Variants in VSNL1 observed in about 807,000 individuals in gnomAD.
VSNL1 encodes the protein visinin like 1, also known as visinin-like protein 1.
VSNL1 carries 6 observed loss-of-function variants against 20.4 expected under a neutral mutation model. The ratio of observed to expected loss-of-function variants is 0.29; its 90% CI spans 0.16 to 0.58. The LOEUF is 0.58. Ranked by LOEUF, VSNL1 falls within the 20% of genes least tolerant of loss-of-function variation. The pLI, the probability that VSNL1 is intolerant of heterozygous loss-of-function variation, is 0.90. For missense variants in VSNL1, 100 were observed against 234.5 expected, an observed-to-expected ratio of 0.43 and a Z score of 3.75; for synonymous variants, 93 against 86.4, an observed-to-expected ratio of 1.08 and a Z score of -0.42.
chr2:17,648,145 A>G (rs2103428843), intron 2 of VSNL1, among the ~76,000 whole-genome samples: 1 of 152,350 alleles, frequency 6.6e-6, no homozygotes, highest in South Asian at 2.1e-4. Context: ...GTACTACCAA[A>G]ATATAAGTAA....
At chr2:17,572,543 A>C (rs1278693660) in intron 1 of VSNL1, among the ~76,000 whole-genome samples, 2 of 152,194 alleles carry the variant, frequency 1.3e-5, no homozygotes, top group Non-Finnish European at 2.9e-5. Context: ...AAGAAGAAGG[A>C]GGCAAAGGGA....
chr2:17,552,063 G>A (rs1336400842), intron 1 of VSNL1, among the ~76,000 whole-genome samples: 2 of 151,774 alleles, frequency 1.3e-5, no homozygotes, highest in East Asian at 1.9e-4. Context: ...AGCAGGGCGT[G>A]GTGGCGGGTG....
In VSNL1 at chr2:17,655,142, C is replaced by T; in HGVS notation, c.379-55C>T. 2 of 1,567,390 alleles carry T rather than the reference C, an allele frequency of 1.3e-6. No homozygotes were observed. Among genetic ancestry groups the T allele is most frequent in the Non-Finnish European group, 1.7e-6 (2 of 1,143,976 alleles). On this transcript the variant is annotated intron_variant, in intron 3 of 3. Transcript: ENST00000295156. The surrounding 1 kb of genome is among the most constrained non-coding windows in gnomAD (Gnocchi z 5.2). ...TCAGGTGAAAGGGAGGCAAGAAGAG[C>T]TCTCTGTCCTCCTGGGTTTCTGGTA... is the stretch of plus-strand genomic sequence containing the variant.
rs568104588 is a variant in VSNL1, at chr2:17,550,970, A to G, written c.-6+10052A>G. 8.5e-5 allele frequency among the ~76,000 whole-genome samples: 13 copies of G among 152,330 alleles called. No individual in the cohort carries two copies. The South Asian group carries it at 1.4e-3, about 17-fold the overall frequency. On this transcript the variant is annotated intron_variant, in intron 1 of 3. Transcript: ENST00000295156. ...TTCTTGAGGGAAGAAATCATGTCTG[A>G]TACATGTCTAAGTCCCCTTTGGAGA...
At chr2:17,578,944 C>T (rs1392952863) in intron 1 of VSNL1, among the ~76,000 whole-genome samples, 1 of 152,168 alleles carries the variant, frequency 6.6e-6, no homozygotes, top group Non-Finnish European at 1.5e-5. Context: ...AGAAGGAACA[C>T]TTGGTTGTGC....
chr2:17,643,328 G>A (rs1189257799), intron 2 of VSNL1, among the ~76,000 whole-genome samples: 1 of 152,164 alleles, frequency 6.6e-6, no homozygotes, highest in Non-Finnish European at 1.5e-5. Flanking sequence ...AAGTGCAAGT[G>A]CTGCTCTGGG....
chr2:17,630,867 C>T (rs531231033), intron 2 of VSNL1, among the ~76,000 whole-genome samples: 7 of 152,186 alleles, frequency 4.6e-5, no homozygotes, highest in South Asian at 2.1e-4. Context: ...CTGCAACCTC[C>T]GCCTCCTGGG....
At chr2:17,625,707 G>A (rs1220406316) in intron 2 of VSNL1, among the ~76,000 whole-genome samples, 1 of 152,092 alleles carries the variant, frequency 6.6e-6, no homozygotes, top group Non-Finnish European at 1.5e-5. Flanking sequence ...TCAGCACTTG[G>A]CACCCACCCC....
chr2:17,652,537 A>G (rs1666143576), intron 3 of VSNL1, among the ~76,000 whole-genome samples: 1 of 152,196 alleles, frequency 6.6e-6, no homozygotes, highest in African/African-American at 2.4e-5. Context: ...ATGGGAGAGG[A>G]AGAAGTAAAG....
chr2:17,634,820 G>A lies in VSNL1; in HGVS notation c.163-14590G>A, dbSNP rs1251265331. On this transcript the variant is annotated intron_variant, in intron 2 of 3. Transcript: ENST00000295156. This position sits in a 1 kb window ranked among gnomAD's most constrained non-coding sequence, Gnocchi z 4.3. Reference sequence around the variant, plus strand: ...TCTGGTGCTGCTTCCACTTTCTCCTGGAACCCCTCAAACCCCAGCCAGAGC... The same window carrying A: ...TCTGGTGCTGCTTCCACTTTCTCCTAGAACCCCTCAAACCCCAGCCAGAGC... 6.6e-6 allele frequency among the ~76,000 whole-genome samples: 1 copy of A among 152,094 alleles called. No homozygotes were observed. Among genetic ancestry groups the A allele is most frequent in the African/African-American group, 2.4e-5 (1 of 41,386 alleles).
chr2:17,624,607 T>C (rs1665463289), intron 2 of VSNL1, among the ~76,000 whole-genome samples: 1 of 152,046 alleles, frequency 6.6e-6, no homozygotes, highest in South Asian at 2.1e-4. Flanking sequence ...AATGTGAGGA[T>C]TCCGTCTGCC....
At chr2:17,641,600 G>C (rs1179487948) in intron 2 of VSNL1, among the ~76,000 whole-genome samples, 1 of 152,216 alleles carries the variant, frequency 6.6e-6, no homozygotes, top group Non-Finnish European at 1.5e-5. Flanking sequence ...TGGTGTATTA[G>C]ACAGAAATAA....
chr2:17,627,992 G>A (rs1665549928), intron 2 of VSNL1, among the ~76,000 whole-genome samples: 1 of 152,234 alleles, frequency 6.6e-6, no homozygotes, highest in African/African-American at 2.4e-5. Context: ...GGGTCAGTTA[G>A]GTCTGATATC....
chr2:17,646,850 C>T (rs1666009283), intron 2 of VSNL1, among the ~76,000 whole-genome samples: 1 of 152,136 alleles, frequency 6.6e-6, no homozygotes, highest in East Asian at 1.9e-4. Context: ...TGAATTCTTC[C>T]TAAGAAATTG....
chr2:17,614,141 CT>C, intron 2 of VSNL1, among the ~76,000 whole-genome samples: 1 of 152,270 alleles, frequency 6.6e-6, no homozygotes, highest in East Asian at 1.9e-4. Flanking sequence ...CCAGGAAGTC[CT>C]TCAGTGTGGG....
intron 2 of VSNL1, among the ~76,000 whole-genome samples, chr2:17,639,350 G>A (rs1361269504): frequency 6.6e-5 from 10 of 152,216 alleles, no homozygotes; most frequent in African/African-American, 9.6e-5. Flanking sequence ...TGTCTCAGCC[G>A]CCTTGGCTGG....
intron 2 of VSNL1, among the ~76,000 whole-genome samples, chr2:17,609,084 G>A (rs990664671): frequency 1.3e-5 from 2 of 152,118 alleles, no homozygotes; most frequent in Non-Finnish European, 2.9e-5. Context: ...ACATGGTGTC[G>A]ACATGACTGA....
At chr2:17,603,198 A>G (rs1451165749) in intron 2 of VSNL1, among the ~76,000 whole-genome samples, 1 of 152,196 alleles carries the variant, frequency 6.6e-6, no homozygotes, top group African/African-American at 2.4e-5. Context: ...CTGCTGTAAC[A>G]AAACACCATA....
At chr2:17,554,384 G>A (rs1230581066) in intron 1 of VSNL1, among the ~76,000 whole-genome samples, 1 of 152,092 alleles carries the variant, frequency 6.6e-6, no homozygotes, top group African/African-American at 2.4e-5. Context: ...ATTTGAATTT[G>A]TTTCTAGCTT....
Sources: gnomAD v4.1 joint callset for allele counts (sites outside exome capture counted in the v4.1 genomes callset) on GRCh38, gnomAD v4.1.1 for gene constraint, Gnocchi (gnomAD v3.1) non-coding constraint, MANE v1.5 for transcripts, NCBI Gene and HGNC (gene_info 2026-07-23, HGNC 2026-07-21) for gene names.